PTPRD: variants seen among roughly 807,000 people sequenced by gnomAD.
The protein encoded by PTPRD is receptor-type tyrosine-protein phosphatase delta.
PTPRD carries 34 observed loss-of-function variants against 214.5 expected under a neutral mutation model. That is an observed-to-expected ratio of 0.16 (90% CI 0.12 to 0.21). PTPRD has a LOEUF of 0.21. Among genes scored for constraint, PTPRD ranks in the 10% least tolerant of loss-of-function variants. PTPRD has a pLI of 1.00. For synonymous variants in PTPRD, 1,128 were observed against 845.7 expected (o/e 1.33, Z -5.79); for missense variants, 2,545 against 2,398.7 (o/e 1.06, Z -1.27).
intron 11 of PTPRD, among the ~76,000 whole-genome samples, chr9:8,745,810 CTCTT>C (rs2092730914): frequency 6.8e-6 from 1 of 146,974 alleles, no homozygotes; most frequent in African/African-American, 2.5e-5. Context: ...CTCTCTCTCT[CTCTT>C]TTAGATAGGG....
chr9:9,548,394 T>C (rs2079323984), intron 8 of PTPRD, among the ~76,000 whole-genome samples: 1 of 149,764 alleles, frequency 6.7e-6, no homozygotes, highest in African/African-American at 2.4e-5. Flanking sequence ...TACGTATATG[T>C]GACTTTTTTT....
At chr9:8,777,533 G>C (rs10815941) in intron 11 of PTPRD, among the ~76,000 whole-genome samples, 91,801 of 152,030 alleles carry the variant, frequency 0.6, 27,869 homozygotes, top group Middle Eastern at 0.69. Flanking sequence ...CTAGGAAAAA[G>C]TTTACAGCTA....
At chr9:9,517,306 G>C (rs2096862078) in intron 8 of PTPRD, among the ~76,000 whole-genome samples, 1 of 152,056 alleles carries the variant, frequency 6.6e-6, no homozygotes, top group South Asian at 2.1e-4. Context: ...ATGGGGTAGG[G>C]AGACGCCCTG....
rs1371891856 is a variant in PTPRD, at chr9:9,403,297, A to AAAAAC, written c.-236-5816_-236-5815insGTTTT. Among the ~76,000 whole-genome samples, 1,014 of 149,608 alleles carry AAAAAC rather than the reference A, an allele frequency of 6.8e-3. 39 individuals carry two copies. Among genetic ancestry groups the AAAAAC allele is most frequent in the East Asian group, 0.063 (317 of 5,002 alleles). On this transcript the variant is annotated intron_variant, in intron 8 of 45. Coordinates refer to ENST00000381196, the MANE Select transcript of PTPRD (RefSeq NM_002839.4). The stretch of plus-strand genomic sequence containing the variant: ...CAGAGGAATACTCTGTCTCAAAAAA[A>AAAAAC]AAAAAAAAAAAAAACCAAAACAAAA...
At chr9:9,549,943 G>A (rs963458525) in intron 8 of PTPRD, among the ~76,000 whole-genome samples, 1 of 151,918 alleles carries the variant, frequency 6.6e-6, no homozygotes, top group Non-Finnish European at 1.5e-5. Context: ...AAATAAATTG[G>A]GCTTTCTGCC....
intron 16 of PTPRD, among the ~76,000 whole-genome samples, chr9:8,526,979 T>G (rs1170510021): frequency 6.6e-6 from 1 of 151,846 alleles, no homozygotes; most frequent in African/African-American, 2.4e-5. Flanking sequence ...CTATACAATA[T>G]TTTTAAAGAC....
At chr9:8,651,900 T>A (rs1331370448) in intron 12 of PTPRD, among the ~76,000 whole-genome samples, 1 of 152,194 alleles carries the variant, frequency 6.6e-6, no homozygotes, top group East Asian at 1.9e-4. Flanking sequence ...TGAAACAATT[T>A]TCAGTTGGAT....
chr9:8,738,636 A>T (rs899208200), intron 11 of PTPRD, among the ~76,000 whole-genome samples: 2 of 152,164 alleles, frequency 1.3e-5, no homozygotes, highest in Non-Finnish European at 2.9e-5. Flanking sequence ...TAATAACTGC[A>T]AAGAACTACA....
intron 8 of PTPRD, among the ~76,000 whole-genome samples, chr9:9,483,341 TAG>T (rs2095496352): frequency 6.6e-6 from 1 of 152,176 alleles, no homozygotes; most frequent in African/African-American, 2.4e-5. Context: ...GAATACAATT[TAG>T]AGTCATTTAG....
At chr9:9,797,756 G>C (rs939258883) in intron 5 of PTPRD, among the ~76,000 whole-genome samples, 2 of 152,138 alleles carry the variant, frequency 1.3e-5, no homozygotes, top group Non-Finnish European at 2.9e-5. Context: ...GCTGAGGCAG[G>C]AGATTCACTT....
chr9:9,570,393 C>A (rs915769195), intron 8 of PTPRD, among the ~76,000 whole-genome samples: 1 of 151,496 alleles, frequency 6.6e-6, no homozygotes, highest in Admixed American at 6.6e-5. Flanking sequence ...CCTGTCACCA[C>A]TGTGAAAATA....
At chr9:9,557,862 G>A (rs2081924927) in intron 8 of PTPRD, among the ~76,000 whole-genome samples, 1 of 152,160 alleles carries the variant, frequency 6.6e-6, no homozygotes, top group African/African-American at 2.4e-5. Flanking sequence ...ACACTCAGGG[G>A]CTATAGGCAG....
In PTPRD at chr9:10,193,376, G is replaced by A. The variant is rs192279181; in HGVS notation, c.-545+147587C>T. Among the ~76,000 whole-genome samples the A allele has an allele frequency of 7.0e-4, 106 of 152,108 alleles. No individual in the cohort carries two copies. In the East Asian group the frequency reaches 9.3e-3, roughly 13 times the overall value. ...ACCTAAAGCCTCTGTGTGCGGTTGG[G>A]CTGGGATGAAGGAGATAGAGTAGGA... On this transcript the variant is annotated intron_variant, in intron 3 of 45. Transcript: ENST00000381196.
intron 11 of PTPRD, among the ~76,000 whole-genome samples, chr9:8,760,051 A>G (rs1328993829): frequency 6.6e-6 from 1 of 152,120 alleles, no homozygotes; most frequent in African/African-American, 2.4e-5. Flanking sequence ...TGTAGCTGGA[A>G]TCTAAGGTAG....
At chr9:8,943,715 G>T (rs1472498682) in intron 11 of PTPRD, among the ~76,000 whole-genome samples, 2 of 150,768 alleles carry the variant, frequency 1.3e-5, no homozygotes, top group Non-Finnish European at 3.0e-5. Context: ...GCAGAAGAAT[G>T]AAACTAGAAC....
chr9:10,239,646 T>C (rs1400248143), intron 3 of PTPRD, among the ~76,000 whole-genome samples: 2 of 152,022 alleles, frequency 1.3e-5, no homozygotes, highest in East Asian at 3.9e-4. Context: ...ATTATGCATA[T>C]CATTGCTGAG....
chr9:8,415,789 A>G (rs2093891610), intron 35 of PTPRD, among the ~76,000 whole-genome samples: 1 of 152,162 alleles, frequency 6.6e-6, no homozygotes, highest in Admixed American at 6.6e-5. Context: ...TCCTCTCAGA[A>G]TGACGGTAGC....
chr9:10,025,656 T>A (rs79046476), intron 4 of PTPRD, among the ~76,000 whole-genome samples: 4,667 of 152,234 alleles, frequency 0.031, 263 homozygotes, highest in African/African-American at 0.1. Flanking sequence ...AGAAACTTTT[T>A]AAAAAATTAG....
At chr9:9,686,411 T>C (rs1314625894) in intron 7 of PTPRD, among the ~76,000 whole-genome samples, 2 of 151,350 alleles carry the variant, frequency 1.3e-5, no homozygotes, top group Non-Finnish European at 3.0e-5. Context: ...TCCAAGTCAT[T>C]CTTATTCTAT....
Sources: allele counts gnomAD v4.1 joint callset (sites outside exome capture counted in the v4.1 genomes callset), GRCh38; gene constraint gnomAD v4.1.1; transcripts MANE v1.5; gene names NCBI Gene and HGNC (gene_info 2026-07-23, HGNC 2026-07-21).